Variants in PTPRR observed in about 807,000 individuals in gnomAD.
The protein encoded by PTPRR is protein tyrosine phosphatase receptor type R.
PTPRR carries 38 observed loss-of-function variants against 77.2 expected under a neutral mutation model. That is an observed-to-expected ratio of 0.49 (90% confidence interval 0.38 to 0.65). The LOEUF (loss-of-function observed/expected upper bound fraction) is 0.65. Ranked by LOEUF, PTPRR falls within the 30% of genes least tolerant of loss-of-function variation. The pLI is 0.00. For synonymous variants in PTPRR, 299 were observed against 283.1 expected, an observed-to-expected ratio of 1.06 and a Z score of -0.57; for missense variants, 744 against 799.2, an observed-to-expected ratio of 0.93 and a Z score of 0.83.
intron 6 of PTPRR, among the ~76,000 whole-genome samples, chr12:70,707,018 A>C (rs184016629): frequency 3.9e-5 from 6 of 152,248 alleles, no homozygotes; most frequent in Admixed American, 1.3e-4. Flanking sequence ...GCTATGTGGG[A>C]GCTACATGAG....
intron 2 of PTPRR, among the ~76,000 whole-genome samples, chr12:70,766,354 C>A (rs1211370090): frequency 6.6e-6 from 1 of 152,086 alleles, no homozygotes; most frequent in African/African-American, 2.4e-5. Flanking sequence ...GGCTTGAGAA[C>A]TACGTGAAGA....
At position 70,913,290 on chromosome 12, in the gene PTPRR, C is replaced by A. The variant is rs540499150; in HGVS notation, c.58+7043G>T. On this transcript the variant is annotated intron_variant, in intron 1 of 13. Transcript: ENST00000283228. ...GAGAGAAAAAATGTATACAACCACT[C>A]AAATATTCAGACATTTTGTGTGATG... Among the ~76,000 whole-genome samples, 10 of 152,196 alleles carry A rather than the reference C, an allele frequency of 6.6e-5. 1 individual carries two copies. In the South Asian group the frequency reaches 2.1e-3, roughly 32 times the overall value.
At chr12:70,681,163 T>C (rs1053261197) in intron 10 of PTPRR, among the ~76,000 whole-genome samples, 1 of 152,108 alleles carries the variant, frequency 6.6e-6, no homozygotes, top group Non-Finnish European at 1.5e-5. Context: ...AGCAAGGGAA[T>C]GGTGTACTAC....
intron 2 of PTPRR, among the ~76,000 whole-genome samples, chr12:70,810,141 C>T (rs774796612): frequency 8.5e-5 from 13 of 152,086 alleles, no homozygotes; most frequent in South Asian, 4.2e-4. Flanking sequence ...TTATAAATAC[C>T]GCCAGGTAAG....
chr12:70,681,641 T>C (rs1028038), intron 10 of PTPRR, among the ~76,000 whole-genome samples: 130,791 of 152,148 alleles, frequency 0.86, 56,578 homozygotes, highest in East Asian at 1. Context: ...TATTCCAGTG[T>C]GCTCCCTCAA....
chr12:70,696,615 G>T (rs544138156), intron 8 of PTPRR, among the ~76,000 whole-genome samples: 20 of 152,150 alleles, frequency 1.3e-4, no homozygotes, highest in African/African-American at 4.8e-4. Flanking sequence ...GTTTTATTGA[G>T]AAATAATTCA....
intron 13 of PTPRR, chr12:70,639,622 T>A: frequency 1.8e-6 from 1 of 556,580 alleles, no homozygotes; most frequent in Non-Finnish European, 2.3e-6. Flanking sequence ...TTCTTAGCTG[T>A]ATGCATCTTG....
At chr12:70,854,786 T>C (rs1892625474) in intron 2 of PTPRR, among the ~76,000 whole-genome samples, 1 of 152,192 alleles carries the variant, frequency 6.6e-6, no homozygotes, top group African/African-American at 2.4e-5. Flanking sequence ...AACAATGAAA[T>C]AGTACTTACT....
intron 10 of PTPRR, among the ~76,000 whole-genome samples, chr12:70,666,949 T>G (rs983372752): frequency 5.4e-4 from 47 of 87,020 alleles, no homozygotes; most frequent in African/African-American, 1.3e-3. Context: ...TTTTTTTTTT[T>G]TTTTTTTTTT....
chr12:70,677,102 T>A (rs1887478754), intron 10 of PTPRR, among the ~76,000 whole-genome samples: 1 of 152,146 alleles, frequency 6.6e-6, no homozygotes, highest in Non-Finnish European at 1.5e-5. Context: ...TCATCAATGA[T>A]TTATAGTTTT....
chr12:70,873,326 G>GA (rs1329698836), intron 2 of PTPRR, among the ~76,000 whole-genome samples: 1 of 152,208 alleles, frequency 6.6e-6, no homozygotes, highest in Non-Finnish European at 1.5e-5. Context: ...GGAACCCTGA[G>GA]AGAGCAACTT....
At chr12:70,850,647 T>C (rs1265354349) in intron 2 of PTPRR, among the ~76,000 whole-genome samples, 2 of 152,186 alleles carry the variant, frequency 1.3e-5, no homozygotes, top group Non-Finnish European at 2.9e-5. Context: ...TTCAAATCCA[T>C]TGTGACCGGG....
intron 2 of PTPRR, among the ~76,000 whole-genome samples, chr12:70,845,002 G>A (rs545401236): frequency 6.6e-6 from 1 of 152,280 alleles, no homozygotes; most frequent in African/African-American, 2.4e-5. Flanking sequence ...AATGTATAAG[G>A]AAGGATTTAT....
chr12:70,729,521 C>A (rs1889579846), intron 6 of PTPRR, among the ~76,000 whole-genome samples: 1 of 152,080 alleles, frequency 6.6e-6, no homozygotes, highest in Non-Finnish European at 1.5e-5. Flanking sequence ...GTTTTGGGGA[C>A]CACTACTCTA....
intron 10 of PTPRR, among the ~76,000 whole-genome samples, chr12:70,664,964 T>C (rs1886933500): frequency 6.6e-6 from 1 of 152,222 alleles, no homozygotes; most frequent in Non-Finnish European, 1.5e-5. Flanking sequence ...CAAGTTCATG[T>C]TCAAATTATT....
At chr12:70,649,298 T>C (rs1886307963) in intron 13 of PTPRR, among the ~76,000 whole-genome samples, 1 of 152,184 alleles carries the variant, frequency 6.6e-6, no homozygotes, top group South Asian at 2.1e-4. Context: ...AGTATCCAAA[T>C]CACTGCCTTG....
Position 70,666,935 on chromosome 12 carries a change from G to GTTTTTTTTTTTTT in PTPRR, c.1498-4343_1498-4331dup, listed in dbSNP as rs142691396. Reference sequence around the variant, plus strand: ...TTTTTGATTAACTGTGTGTTTTTCTGTTTTTTTTTTTTTTTTTTTTTTTTT... The same window carrying GTTTTTTTTTTTTT: ...TTTTTGATTAACTGTGTGTTTTTCTGTTTTTTTTTTTTTTTTTTTTTTTTTTTTTTTTTTTTTT... On this transcript the variant is annotated intron_variant, in intron 10 of 13. Coordinates refer to ENST00000283228, the MANE Select transcript of PTPRR (RefSeq NM_002849.4). Among the ~76,000 whole-genome samples the GTTTTTTTTTTTTT allele has an allele frequency of 1.8e-3, 53 of 29,046 alleles. 22 individuals carry two copies. The highest frequency in any genetic ancestry group is 3.2e-3 in the Non-Finnish European group (35 of 10,896). 19.1% of individuals were successfully genotyped at this position (29,046 alleles called of 152,430 possible).
At chr12:70,695,059 C>G (rs573394753) in intron 8 of PTPRR, among the ~76,000 whole-genome samples, 2 of 152,256 alleles carry the variant, frequency 1.3e-5, no homozygotes, top group South Asian at 4.1e-4. Context: ...CAAGATAACA[C>G]TGTCATTAGA....
intron 2 of PTPRR, among the ~76,000 whole-genome samples, chr12:70,850,688 C>T (rs1426835980): frequency 6.6e-6 from 1 of 152,174 alleles, no homozygotes; most frequent in Non-Finnish European, 1.5e-5. Flanking sequence ...AAAACCCAGA[C>T]CTCTCTCTGT....
Sources: allele counts gnomAD v4.1 joint callset (sites outside exome capture counted in the v4.1 genomes callset), GRCh38; gene constraint gnomAD v4.1.1; transcripts MANE v1.5; gene names NCBI Gene and HGNC (gene_info 2026-07-23, HGNC 2026-07-21).